Variants in KPNA6 observed in about 807,000 individuals in gnomAD.
KPNA6 encodes importin subunit alpha-7.
In KPNA6, 9 loss-of-function variants were observed where a neutral mutation model predicts 72.0. The ratio of observed to expected loss-of-function variants is 0.13; its 90% CI spans 0.08 to 0.22. KPNA6 has a LOEUF of 0.22. Ranked by LOEUF, KPNA6 falls within the 10% of genes least tolerant of loss-of-function variation. The probability of loss-of-function intolerance (pLI) is 1.00; values close to 1 mark genes in which losing one functional copy is unlikely to be tolerated. For synonymous variants in KPNA6, 219 were observed against 242.1 expected (o/e 0.90, Z 0.89); for missense variants, 374 against 655.7 (o/e 0.57, Z 4.69).
rs536557820 is a variant in KPNA6 at position 32,148,970 on chromosome 1, A to G, written c.5-5618A>G. On this transcript the variant is annotated intron_variant, in intron 1 of 13. Coordinates refer to ENST00000373625, the MANE Select transcript of KPNA6 (RefSeq NM_012316.5). The stretch of plus-strand genomic sequence containing the variant: ...AGCCTCCAAAATTGCTGGGATTACA[A>G]TCATGAGCCACCGTGCCGGCCATAT... Among the ~76,000 whole-genome samples the G allele has an allele frequency of 1.7e-4, 26 of 152,142 alleles. 1 individual carries two copies. Among genetic ancestry groups the G allele is most frequent in the East Asian group, 1.5e-3 (8 of 5,182 alleles).
chr1:32,127,151 T>C (rs1368396318), intron 1 of KPNA6, among the ~76,000 whole-genome samples: 1 of 152,204 alleles, frequency 6.6e-6, no homozygotes, highest in East Asian at 1.9e-4. Context: ...AATACCCCTG[T>C]TTTAGAGAGG....
chr1:32,126,214 A>G (rs893430454), intron 1 of KPNA6, among the ~76,000 whole-genome samples: 1 of 151,834 alleles, frequency 6.6e-6, no homozygotes, highest in Non-Finnish European at 1.5e-5. Context: ...TCAGAATTCC[A>G]GGTAAGGAAT....
intron 2 of KPNA6, among the ~76,000 whole-genome samples, chr1:32,156,018 G>A (rs12239840): frequency 7.0e-6 from 1 of 143,450 alleles, no homozygotes; most frequent in Non-Finnish European, 1.5e-5. Flanking sequence ...TGGCCTCCCA[G>A]AGTGCTGGGA....
chr1:32,169,072 G>A (rs529611472), intron 12 of KPNA6, among the ~76,000 whole-genome samples: 13 of 152,084 alleles, frequency 8.5e-5, no homozygotes, highest in South Asian at 8.3e-4. Context: ...AAGGATAAGC[G>A]GTTATCAAGG....
At chr1:32,124,141 T>C (rs138471598) in intron 1 of KPNA6, among the ~76,000 whole-genome samples, 9 of 149,092 alleles carry the variant, frequency 6.0e-5, no homozygotes, top group African/African-American at 2.0e-4. Flanking sequence ...CTTTGGGAGG[T>C]TGAGGAGGAT....
intron 1 of KPNA6, among the ~76,000 whole-genome samples, chr1:32,123,478 T>C (rs1020306865): frequency 2.0e-5 from 3 of 152,122 alleles, no homozygotes; most frequent in African/African-American, 7.2e-5. Flanking sequence ...TGGTGGCTCA[T>C]GTCTGTAATC....
intron 1 of KPNA6, among the ~76,000 whole-genome samples, chr1:32,125,023 T>G (rs1476505887): frequency 1.3e-5 from 2 of 151,096 alleles, no homozygotes; most frequent in Non-Finnish European, 2.9e-5. Context: ...TTTTTGTATT[T>G]TAGTGGAGAT....
chr1:32,161,915 T>G, intron 7 of KPNA6, 32 bp from the exon 8 acceptor site: 2 of 1,555,658 alleles, frequency 1.3e-6, no homozygotes, highest in Non-Finnish European at 1.8e-6. Context: ...AAGGCCTCAG[T>G]GCTCAGGATC....
intron 12 of KPNA6, among the ~76,000 whole-genome samples, chr1:32,169,371 A>G (rs1642394513): frequency 6.6e-6 from 1 of 151,888 alleles, no homozygotes; most frequent in South Asian, 2.1e-4. Flanking sequence ...TCTCAAAAAA[A>G]AAAAAAGGAC....
At chr1:32,123,739 T>TAAAAA (rs56952347) in intron 1 of KPNA6, among the ~76,000 whole-genome samples, 1 of 99,918 alleles carries the variant, frequency 1.0e-5, no homozygotes, top group Non-Finnish European at 2.0e-5. Context: ...GACCCTGTCT[T>TAAAAA]AAAAAAAAAA....
In KPNA6 at chr1:32,172,896, C is replaced by G. The variant is rs537081801; in HGVS notation, c.*2002C>G. The stretch of plus-strand genomic sequence containing the variant: ...AAATCCATGCCCTTCTGCTTATAGA[C>G]CTAAAGTTCAGGTACTTATTATTGG... On this transcript the variant is annotated 3_prime_UTR_variant, in exon 14 of 14. Transcript: ENST00000373625. The G allele has an allele frequency of 5.3e-4, 207 of 393,600 alleles. No homozygotes were observed. The highest frequency in any genetic ancestry group is 3.9e-3 in the African/African-American group (192 of 48,634). The allele number at this position is 393,600 out of a possible 1,614,324, so 24.4% of individuals were successfully genotyped here.
rs777772589 is a variant in KPNA6 at position 32,156,855 on chromosome 1, T to C, written c.141T>C (p.Leu47=). The change falls in exon 3 of 14, where the codon CTT becomes CTC. Residue 47 remains leucine (L), a splice_region_variant and synonymous_variant. Transcript: ENST00000373625. Reference sequence around the variant, plus strand: ...AACCACTGTCTCTTTACTTTCAGCTTTTTAAACGGAGAAATGTGGAGCTGA... The same window carrying C: ...AACCACTGTCTCTTTACTTTCAGCTCTTTAAACGGAGAAATGTGGAGCTGA... ...QLRKQKREQQ[L]FKRRNVELIN... The C allele has an allele frequency of 9.3e-6, 15 of 1,613,380 alleles. No homozygotes were observed. The East Asian group carries it at 3.3e-4, about 36-fold the overall frequency.
At chr1:32,155,128 A>T (rs1439208245) in intron 2 of KPNA6, among the ~76,000 whole-genome samples, 1 of 150,428 alleles carries the variant, frequency 6.6e-6, no homozygotes, top group African/African-American at 2.4e-5. Context: ...AAAAAAAAAA[A>T]AAAAAGAAAA....
At chr1:32,135,733 G>A (rs748891284) in intron 1 of KPNA6, among the ~76,000 whole-genome samples, 8 of 150,718 alleles carry the variant, frequency 5.3e-5, no homozygotes, top group Non-Finnish European at 1.2e-4. Context: ...CTCCCGAAGT[G>A]CTGGAATTAC....
At chr1:32,147,940 A>G (rs1299490758) in intron 1 of KPNA6, among the ~76,000 whole-genome samples, 1 of 152,076 alleles carries the variant, frequency 6.6e-6, no homozygotes, top group East Asian at 1.9e-4. Flanking sequence ...TGCTAGGATT[A>G]CAGGCCTGAG....
intron 1 of KPNA6, among the ~76,000 whole-genome samples, chr1:32,130,434 G>C (rs1437933549): frequency 1.3e-5 from 2 of 152,038 alleles, no homozygotes; most frequent in Non-Finnish European, 2.9e-5. Context: ...AAAGGAACTT[G>C]TATACTGCAA....
At chr1:32,156,382 T>A (rs574713340) in intron 2 of KPNA6, among the ~76,000 whole-genome samples, 47 of 152,310 alleles carry the variant, frequency 3.1e-4, no homozygotes, top group African/African-American at 1.1e-3. Context: ...TTTGGCACAT[T>A]TGAATTGCCA....
chr1:32,122,691 C>T (rs1288386980), intron 1 of KPNA6, among the ~76,000 whole-genome samples: 2 of 152,036 alleles, frequency 1.3e-5, no homozygotes, highest in Non-Finnish European at 2.9e-5. Context: ...TGCAGTGGCT[C>T]ATGCCTGTAA....
intron 1 of KPNA6, among the ~76,000 whole-genome samples, chr1:32,119,032 A>ATATT (rs1167325052): frequency 0.013 from 503 of 40,218 alleles, 6 homozygotes; most frequent in Non-Finnish European, 0.014. Flanking sequence ...ATATATATAT[A>ATATT]TTTTTTTTTT....
Sources: allele counts gnomAD v4.1 joint callset (sites outside exome capture counted in the v4.1 genomes callset), GRCh38; gene constraint gnomAD v4.1.1; transcripts MANE v1.5; gene names NCBI Gene and HGNC (gene_info 2026-07-23, HGNC 2026-07-21).